MOSPD2: variants seen among roughly 807,000 people sequenced by gnomAD.
MOSPD2 encodes motile sperm domain containing 2.
Under a neutral mutation model 41.7 loss-of-function variants are expected in MOSPD2, and 5 were observed. The ratio of observed to expected loss-of-function variants is 0.12; its 90% CI spans 0.06 to 0.25. MOSPD2 has a LOEUF of 0.25. MOSPD2 is among the 10% of genes least tolerant of loss of function. The pLI, the probability that MOSPD2 is intolerant of heterozygous loss-of-function variation, is 1.00. For synonymous variants in MOSPD2, 115 were observed against 126.9 expected (o/e 0.91, Z 0.63); for missense variants, 282 against 375.2 (o/e 0.75, Z 2.05).
chrX:14,893,436 A>C (rs927690996), intron 3 of MOSPD2: 1 of 111,667 alleles, frequency 9.0e-6, no homozygotes, highest in African/African-American at 3.3e-5. Context: ...TAACTTCTTA[A>C]TTTCTAAGTC....
intron 1 of MOSPD2, 67 bp downstream of exon 1, chrX:14,873,604 G>A (rs746137085): frequency 8.3e-7 from 1 of 1,207,338 alleles, no homozygotes; most frequent in Non-Finnish European, 1.1e-6. Flanking sequence ...CCCGGGGACC[G>A]AGCGCCCGTG....
intron 7 of MOSPD2, among the ~76,000 whole-genome samples, chrX:14,903,209 CT>C (rs2092576143): frequency 9.0e-6 from 1 of 111,153 alleles, no homozygotes; most frequent in South Asian, 3.8e-4. Context: ...ACCCATTAGT[CT>C]TCTTTAAAAA....
intron 9 of MOSPD2, 137 bp downstream of exon 9, chrX:14,911,550 A>C (rs2092591767): frequency 4.3e-6 from 2 of 470,163 alleles, no homozygotes; most frequent in Non-Finnish European, 7.0e-6. Flanking sequence ...AAGAAAGAGG[A>C]AGGATGGGAT....
chrX:14,873,659 A>T, intron 1 of MOSPD2, 30 bp from the exon 2 acceptor site: 1 of 1,204,158 alleles, frequency 8.3e-7, no homozygotes. Context: ...TGCAAGTAGT[A>T]TCTAAGGTCC....
At chrX:14,883,396 G>T (rs1208317003) in intron 2 of MOSPD2, among the ~76,000 whole-genome samples, 1 of 111,628 alleles carries the variant, frequency 9.0e-6, no homozygotes, top group Admixed American at 9.5e-5. Flanking sequence ...GGTTTGATAA[G>T]ATCTCTAGGA....
chrX:14,921,285 T>C lies in MOSPD2; in HGVS notation c.*1476T>C, dbSNP rs1030842542. 9 of 931,302 alleles carry C rather than the reference T, an allele frequency of 9.7e-6. No homozygotes were observed. The South Asian group carries it at 2.4e-4, about 25-fold the overall frequency. 76.7% of individuals were successfully genotyped at this position (931,302 alleles called of 1,213,427 possible). On this transcript the variant is annotated 3_prime_UTR_variant, in exon 15 of 15. Transcript: ENST00000380492. Reference sequence around the variant, plus strand: ...GATTCCAAAACTGAGTTATGAAGAATGATATAACAGTTCCTTCAAAATTGG... The same window carrying C: ...GATTCCAAAACTGAGTTATGAAGAACGATATAACAGTTCCTTCAAAATTGG...
intron 2 of MOSPD2, among the ~76,000 whole-genome samples, chrX:14,878,630 G>T (rs1159372954): frequency 9.0e-6 from 1 of 111,367 alleles, no homozygotes; most frequent in Non-Finnish European, 1.9e-5. Context: ...GAAAGTAATT[G>T]TGGTTTTTGC....
chrX:14,905,498 TTTTG>T (rs984371958), intron 7 of MOSPD2, among the ~76,000 whole-genome samples: 7 of 110,176 alleles, frequency 6.4e-5, no homozygotes, highest in African/African-American at 2.0e-4. Context: ...ATACCTTTTT[TTTTG>T]TTTGTTTTTT....
Position 14,873,490 on chromosome X carries a change from G to A in MOSPD2, c.-39G>A, listed in dbSNP as rs903099515. On this transcript the variant is annotated 5_prime_UTR_variant, in exon 1 of 15. Coordinates refer to ENST00000380492, the MANE Select transcript of MOSPD2 (RefSeq NM_152581.4). ...TACTCGGTCGGCGACGGTAGAACGG[G>A]CGACGGCGACAACCGCAATCACATC... 2.5e-6 allele frequency: 3 copies of A among 1,211,647 alleles called. No individual in the cohort carries two copies. The highest frequency in any genetic ancestry group is 3.0e-5 in the East Asian group (1 of 33,830).
At chrX:14,918,635 A>G (rs758598291) in intron 13 of MOSPD2, 45 bp from the exon 14 acceptor site, 2 of 924,851 alleles carry the variant, frequency 2.2e-6, no homozygotes, top group South Asian at 4.4e-5. Context: ...CTTTTATAAG[A>G]AAATTAACTT....
In MOSPD2 at chrX:14,919,940, G is replaced by A. The variant is rs191409483; in HGVS notation, c.*131G>A. 6.6e-5 allele frequency: 71 copies of A among 1,074,639 alleles called. No individual in the cohort carries two copies. The East Asian group carries it at 2.3e-3, about 35-fold the overall frequency. The allele number at this position is 1,074,639 out of a possible 1,213,427, so 88.6% of individuals were successfully genotyped here. A position where few individuals can be genotyped will look rare whatever the true frequency, so the allele number is the denominator to read the frequency against. On this transcript the variant is annotated 3_prime_UTR_variant, in exon 15 of 15. Transcript: ENST00000380492. ...CCTAAAAGGAAATATGCAGCACGTG[G>A]AGGGGAACACATACATGTCTTGAAA...
At position 14,921,758 on chromosome X, in the gene MOSPD2, G is replaced by A. The variant is rs945860722; in HGVS notation, c.*1949G>A. 2.3e-5 allele frequency: 3 copies of A among 128,887 alleles called. No homozygotes were observed. The highest frequency in any genetic ancestry group is 4.6e-5 in the Non-Finnish European group (3 of 64,756). 10.6% of individuals were successfully genotyped at this position (128,887 alleles called of 1,213,427 possible). A position where few individuals can be genotyped will look rare whatever the true frequency, so the allele number is the denominator to read the frequency against. On this transcript the variant is annotated 3_prime_UTR_variant, in exon 15 of 15. Coordinates refer to ENST00000380492, the MANE Select transcript of MOSPD2 (RefSeq NM_152581.4). ...ACTATAAAATCAAAGGCATCTAAAC[G>A]TTTGTACTTGTCTTGATTAATCATA...
At position 14,900,599 on chromosome X, in the gene MOSPD2, A is replaced by G. The variant is rs775680398; in HGVS notation, c.502A>G (p.Ile168Val). Reference protein sequence around the residue: ...SIDMDFVRFIINCFKVYYPKY... With the variant: ...SIDMDFVRFIVNCFKVYYPKY... ...GGACATGGACTTTGTACGCTTTATCATCAACTGCTTTAAGGTTTATTACCC... is the reference window on the plus strand; with the variant it reads ...GGACATGGACTTTGTACGCTTTATCGTCAACTGCTTTAAGGTTTATTACCC... Residue 168 changes from isoleucine to valine, a missense_variant, in exon 6 of 15, where the codon ATC becomes GTC. Ile to Val is a conservative substitution (Grantham distance 29, BLOSUM62 3). Transcript: ENST00000380492. 1.8e-6 allele frequency: 2 copies of G among 1,137,704 alleles called. No individual in the cohort carries two copies. The highest frequency in any genetic ancestry group is 2.4e-5 in the Admixed American group (1 of 41,583). 93.8% of individuals were successfully genotyped at this position (1,137,704 alleles called of 1,213,427 possible). A position where few individuals can be genotyped will look rare whatever the true frequency, so the allele number is the denominator to read the frequency against.
chrX:14,882,447 T>C lies in MOSPD2; in HGVS notation c.79+8689T>C, dbSNP rs192069972. Among the ~76,000 whole-genome samples, 113 of 111,666 alleles carry C rather than the reference T, an allele frequency of 1.0e-3. 1 individual carries two copies. The highest frequency in any genetic ancestry group is 3.4e-3 in the African/African-American group (106 of 30,756). ...GATACATTGTACAACATGGAGACTA[T>C]AGTAAATACAATGTATTACATACTT... On this transcript the variant is annotated intron_variant, in intron 2 of 14. Coordinates refer to ENST00000380492, the MANE Select transcript of MOSPD2 (RefSeq NM_152581.4).
chrX:14,876,834 A>G (rs2092521197), intron 2 of MOSPD2, among the ~76,000 whole-genome samples: 3 of 112,078 alleles, frequency 2.7e-5, no homozygotes, highest in African/African-American at 9.7e-5. Context: ...ATTAAGGGTA[A>G]TGGTGCTGAA....
At chrX:14,893,750 T>C (rs2092558114) in intron 3 of MOSPD2, among the ~76,000 whole-genome samples, 2 of 111,974 alleles carry the variant, frequency 1.8e-5, no homozygotes, top group Admixed American at 1.9e-4. Flanking sequence ...TAGTAAAAAA[T>C]AATGTGATTG....
At chrX:14,901,559 T>G (rs2092573203) in intron 6 of MOSPD2, among the ~76,000 whole-genome samples, 1 of 111,417 alleles carries the variant, frequency 9.0e-6, no homozygotes, top group Admixed American at 9.6e-5. Context: ...CACCCCTAGC[T>G]GTATACTCTC....
At chrX:14,890,029 G>A (rs2092550735) in intron 2 of MOSPD2, among the ~76,000 whole-genome samples, 2 of 111,305 alleles carry the variant, frequency 1.8e-5, no homozygotes, top group South Asian at 7.3e-4. Context: ...AGAAAGCTAT[G>A]AGGTCAAAAC....
chrX:14,878,732 G>A (rs2092526072), intron 2 of MOSPD2, among the ~76,000 whole-genome samples: 1 of 111,389 alleles, frequency 9.0e-6, no homozygotes, highest in Non-Finnish European at 1.9e-5. Context: ...AAGTTCTAGG[G>A]TACATGTGCA....
Sources: allele counts gnomAD v4.1 joint callset (sites outside exome capture counted in the v4.1 genomes callset), GRCh38; gene constraint gnomAD v4.1.1; transcripts MANE v1.5; gene names NCBI Gene and HGNC (gene_info 2026-07-23, HGNC 2026-07-21).